Variants in RASGEF1A observed in about 807,000 individuals in gnomAD.
RASGEF1A encodes ras-GEF domain-containing family member 1A.
RASGEF1A carries 18 observed loss-of-function variants against 56.4 expected under a neutral mutation model. The observed-to-expected ratio is 0.32, with a 90% CI of 0.22 to 0.47. The LOEUF (loss-of-function observed/expected upper bound fraction) is 0.47, where lower values mean the gene tolerates loss of function less well. Ranked by LOEUF, RASGEF1A falls within the 20% of genes least tolerant of loss-of-function variation. The pLI, the probability that RASGEF1A is intolerant of heterozygous loss-of-function variation, is 1.00. For synonymous variants in RASGEF1A, 245 were observed against 242.6 expected (o/e 1.01, Z -0.09); for missense variants, 422 against 627.1 (o/e 0.67, Z 3.49).
intron 1 of RASGEF1A, chr10:43,207,651 G>A: frequency 1.0e-6 from 1 of 985,552 alleles, no homozygotes; most frequent in Non-Finnish European, 1.2e-6. Flanking sequence ...GGACAGGGAG[G>A]TCATGGCTCA....
At chr10:43,223,165 A>G (rs12360493) in intron 1 of RASGEF1A, among the ~76,000 whole-genome samples, 35,310 of 152,096 alleles carry the variant, frequency 0.23, 4,485 homozygotes, top group East Asian at 0.51. Flanking sequence ...CTCTCTGGAC[A>G]GGGGACCAAG....
intron 1 of RASGEF1A, among the ~76,000 whole-genome samples, chr10:43,215,830 G>A (rs1025657799): frequency 3.3e-5 from 5 of 152,212 alleles, no homozygotes; most frequent in Admixed American, 2.0e-4. Context: ...TCAGTGCTCC[G>A]ACAGAGGAGA....
chr10:43,233,797 G>A (rs962750029), intron 1 of RASGEF1A, among the ~76,000 whole-genome samples: 4 of 152,300 alleles, frequency 2.6e-5, no homozygotes, highest in Non-Finnish European at 2.9e-5. Context: ...TCACACCAAA[G>A]GACACACGCA....
intron 1 of RASGEF1A, among the ~76,000 whole-genome samples, chr10:43,222,709 T>C (rs767218963): frequency 8.5e-5 from 13 of 152,234 alleles, no homozygotes; most frequent in Non-Finnish European, 1.9e-4. Context: ...CCCTGAATTA[T>C]GTGAGCTGCT....
Position 43,200,162 on chromosome 10 carries a change from A to C in RASGEF1A, c.756+20T>G, listed in dbSNP as rs1839870123. ...GGCAGACAGGGCTGGCAGGGGTGCCACAGGCCTTGGCCCACTTACCCTGTG... is the reference window on the plus strand; with the variant it reads ...GGCAGACAGGGCTGGCAGGGGTGCCCCAGGCCTTGGCCCACTTACCCTGTG... On this transcript the variant is annotated intron_variant, in intron 6 of 12. Transcript: ENST00000395810. The C allele has an allele frequency of 6.3e-7, 1 of 1,576,268 alleles. No homozygotes were observed. Among genetic ancestry groups the C allele is most frequent in the African/African-American group, 1.3e-5 (1 of 74,078 alleles).
At chr10:43,215,799 A>G (rs1440908728) in intron 1 of RASGEF1A, among the ~76,000 whole-genome samples, 7 of 152,150 alleles carry the variant, frequency 4.6e-5, no homozygotes, top group Non-Finnish European at 1.5e-5. Flanking sequence ...TGGCGACATG[A>G]TATTCTGGGT....
At position 43,196,283 on chromosome 10, in the gene RASGEF1A, G is replaced by C. The variant is rs367800733; in HGVS notation, c.1422-15C>G. 2.5e-6 allele frequency: 4 copies of C among 1,613,354 alleles called. No homozygotes were observed. The highest frequency in any genetic ancestry group is 1.1e-5 in the South Asian group (1 of 91,036). On this transcript the variant is annotated splice_polypyrimidine_tract_variant and intron_variant, in intron 12 of 12. Transcript: ENST00000395810. This position sits in a 1 kb window ranked among gnomAD's most constrained non-coding sequence, Gnocchi z 4.6. ...GAAGGGTGGTCCTAGAGGGGGACAGGACAAGCAGTGCTCAGGCCCGAGCAG... is the reference window on the plus strand; with the variant it reads ...GAAGGGTGGTCCTAGAGGGGGACAGCACAAGCAGTGCTCAGGCCCGAGCAG...
chr10:43,208,511 G>A, intron 1 of RASGEF1A: 5 of 985,734 alleles, frequency 5.1e-6, no homozygotes, highest in Non-Finnish European at 4.8e-6. Context: ...GCCTGGAGGA[G>A]GAGCATGCAG....
At chr10:43,233,903 G>A (rs1338894291) in intron 1 of RASGEF1A, among the ~76,000 whole-genome samples, 1 of 152,182 alleles carries the variant, frequency 6.6e-6, no homozygotes. Flanking sequence ...GCTGTGGCAT[G>A]TGTCACTCAA....
intron 1 of RASGEF1A, among the ~76,000 whole-genome samples, chr10:43,237,492 C>T (rs988314071): frequency 6.7e-6 from 1 of 149,342 alleles, no homozygotes; most frequent in Admixed American, 6.7e-5. Context: ...TCTGCCCTCT[C>T]CAGACCACAG....
Position 43,203,421 on chromosome 10 carries a change from C to A in RASGEF1A, c.199-1G>T. ...GGAGAAAGGTGAAGATGTACGTCCTCTGAAGGCAGGAGACGGAGAGAGGGC... is the reference window on the plus strand; with the variant it reads ...GGAGAAAGGTGAAGATGTACGTCCTATGAAGGCAGGAGACGGAGAGAGGGC... On this transcript the variant is annotated splice_acceptor_variant, in intron 2 of 12. Coordinates refer to ENST00000395810, the MANE Select transcript of RASGEF1A (RefSeq NM_145313.4). LOFTEE classifies it high-confidence loss of function. The A allele has an allele frequency of 6.4e-7, 1 of 1,551,702 alleles. No homozygotes were observed. Among genetic ancestry groups the A allele is most frequent in the East Asian group, 2.4e-5 (1 of 42,028 alleles).
intron 1 of RASGEF1A, among the ~76,000 whole-genome samples, chr10:43,215,957 AGAGT>A (rs1165251436): frequency 6.6e-6 from 1 of 152,252 alleles, no homozygotes; most frequent in Non-Finnish European, 1.5e-5. Flanking sequence ...AAGGACGAGC[AGAGT>A]GAGTGGACAG....
intron 1 of RASGEF1A, among the ~76,000 whole-genome samples, chr10:43,229,365 G>A (rs1037554161): frequency 4.6e-5 from 7 of 152,192 alleles, no homozygotes; most frequent in Non-Finnish European, 8.8e-5. Flanking sequence ...CTACACGCCC[G>A]TCCCCACCCC....
At chr10:43,244,834 T>C (rs1186968474) in intron 1 of RASGEF1A, among the ~76,000 whole-genome samples, 10 of 151,950 alleles carry the variant, frequency 6.6e-5, no homozygotes, top group African/African-American at 1.7e-4. Context: ...AAAATATATA[T>C]ATAAAACTAT....
intron 1 of RASGEF1A, among the ~76,000 whole-genome samples, chr10:43,241,207 T>C (rs12268127): frequency 0.018 from 2,682 of 152,330 alleles, 74 homozygotes; most frequent in African/African-American, 0.061. Flanking sequence ...AAAGATAGTA[T>C]AAACACATTT....
chr10:43,249,895 C>T (rs563386641), intron 1 of RASGEF1A, among the ~76,000 whole-genome samples: 8 of 152,352 alleles, frequency 5.3e-5, no homozygotes, highest in Non-Finnish European at 8.8e-5. Flanking sequence ...AGGGAAGGTG[C>T]TCCTGCAGGG....
intron 1 of RASGEF1A, among the ~76,000 whole-genome samples, chr10:43,243,812 C>T (rs925522074): frequency 6.7e-6 from 1 of 150,096 alleles, no homozygotes; most frequent in African/African-American, 2.5e-5. Flanking sequence ...CACCTCTGCC[C>T]GGCCACCCAG....
At position 43,249,539 on chromosome 10, in the gene RASGEF1A, G is replaced by A. The variant is rs116030524; in HGVS notation, c.-7+17306C>T. Among the ~76,000 whole-genome samples, 1,150 of 152,318 alleles carry A rather than the reference G, an allele frequency of 7.5e-3. 18 individuals carry two copies. Among genetic ancestry groups the A allele is most frequent in the African/African-American group, 0.026 (1,093 of 41,568 alleles). On this transcript the variant is annotated intron_variant, in intron 1 of 12. Coordinates refer to ENST00000395810, the MANE Select transcript of RASGEF1A (RefSeq NM_145313.4). ...CTCACCCTCTCTCCCCATTGCTGTT[G>A]GCTGGCTCTGCTCCCCCAGGCACAC...
chr10:43,232,375 G>C (rs1840382060), intron 1 of RASGEF1A, among the ~76,000 whole-genome samples: 1 of 152,026 alleles, frequency 6.6e-6, no homozygotes, highest in Non-Finnish European at 1.5e-5. Context: ...CACTATGAGT[G>C]AAAGCTCCCT....
Sources: gnomAD v4.1 joint callset for allele counts (sites outside exome capture counted in the v4.1 genomes callset) on GRCh38, gnomAD v4.1.1 for gene constraint, Gnocchi (gnomAD v3.1) non-coding constraint, MANE v1.5 for transcripts, NCBI Gene and HGNC (gene_info 2026-07-23, HGNC 2026-07-21) for gene names.